Variants in TTN observed in about 807,000 individuals in gnomAD.
TTN encodes the protein titin.
Under a neutral mutation model 3,223.0 loss-of-function variants are expected in TTN, and 1,525 were observed. The ratio of observed to expected loss-of-function variants is 0.47; its 90% confidence interval spans 0.45 to 0.49. The LOEUF (loss-of-function observed/expected upper bound fraction) is 0.49. TTN is among the 20% of genes least tolerant of loss of function. The pLI is 0.00. For synonymous variants in TTN, 14,094 were observed against 15,161.0 expected (o/e 0.93, Z 5.17); for missense variants, 40,786 against 43,424.0 (o/e 0.94, Z 5.40).
At position 178,579,055 on chromosome 2, in the gene TTN, C is replaced by G; in HGVS notation, c.67975G>C (p.Glu22659Gln). Residue 22659 changes from glutamate to glutamine, a missense_variant, in exon 320 of 363, where the codon GAA (glutamate) becomes CAA (glutamine). By Grantham distance (29) the Glu-to-Gln change is conservative. Coordinates refer to ENST00000589042, the MANE Select transcript of TTN (RefSeq NM_001267550.2). Reference sequence around the variant, plus strand: ...GGAGCCCACTTTAAGGTCATGGCTTCTGCTGTGACTTCATCAAATTTGATT... The same window carrying G: ...GGAGCCCACTTTAAGGTCATGGCTTGTGCTGTGACTTCATCAAATTTGATT... ...GPIKFDEVTA[E>Q]AMTLKWAPPK... 6.2e-7 allele frequency: 1 copy of G among 1,613,252 alleles called. No individual in the cohort carries two copies. Among genetic ancestry groups the G allele is most frequent in the Non-Finnish European group, 8.5e-7 (1 of 1,179,494 alleles).
At chr2:178,629,248 G>A (rs773879366) in intron 240 of TTN, 53 bp downstream of exon 240, 204 of 1,595,156 alleles carry the variant, frequency 1.3e-4, no homozygotes, top group Non-Finnish European at 1.7e-4. Flanking sequence ...ACAAGTGAAG[G>A]TGGAAGAACT....
chr2:178,527,992 G>A lies in TTN; in HGVS notation c.107378-244C>T, dbSNP rs1468474898. ...ACATGCAGGTGCTAGGAATCACTAG[G>A]AGAAAAATGATTAGTCATATAGAAA... On this transcript the variant is annotated intron_variant, in intron 361 of 362. Transcript: ENST00000589042. The A allele has an allele frequency of 4.1e-5, 22 of 534,028 alleles. No homozygotes were observed. The Middle Eastern group carries it at 1.5e-3, about 36-fold the overall frequency. 33.1% of individuals were successfully genotyped at this position (534,028 alleles called of 1,614,324 possible).
In TTN at chr2:178,738,259, G is replaced by A. The variant is rs2081878770; in HGVS notation, c.14194C>T (p.Gln4732Ter). The A allele has an allele frequency of 1.2e-6, 2 of 1,613,466 alleles. No homozygotes were observed. Among genetic ancestry groups the A allele is most frequent in the African/African-American group, 1.3e-5 (1 of 74,906 alleles). ...ATTTCTCGGCCAGCTTTAAACCACT[G>A]GAACCGGACATTGGGAGCACTTTGG... ...EIQSAPNVRF[Q>*]WFKAGREIYE... Residue 4732 changes from glutamine to a stop codon, truncating the protein, a stop_gained, in exon 49 of 363, where the codon CAG becomes TAG. Transcript: ENST00000589042. LOFTEE classifies it high-confidence loss of function.
chr2:178,686,322 G>A (rs553561653), intron 127 of TTN, among the ~76,000 whole-genome samples: 59 of 150,482 alleles, frequency 3.9e-4, no homozygotes, highest in Middle Eastern at 3.4e-3. Context: ...GGGTTTCACC[G>A]TTTTAGCCGG....
In TTN at chr2:178,704,727, A is replaced by G. The variant is rs776202605; in HGVS notation, c.29745T>C (p.Asn9915=). Residue 9915 remains asparagine (N), a synonymous_variant, in exon 105 of 363, where the codon AAT becomes AAC. Transcript: ENST00000589042. Reference sequence around the variant, plus strand: ...TAATGTCAATTTCAAAGACAGCATCATTATCTTTCAAAACTGTCTGATTTT... The same window carrying G: ...TAATGTCAATTTCAAAGACAGCATCGTTATCTTTCAAAACTGTCTGATTTT... ...DIENQTVLKD[N]DAVFEIDIKI... The G allele has an allele frequency of 1.2e-6, 2 of 1,611,078 alleles. No individual in the cohort carries two copies. The highest frequency in any genetic ancestry group is 1.1e-5 in the South Asian group (1 of 90,980).
In TTN at chr2:178,672,337, T is replaced by C. The variant is rs2067154730; in HGVS notation, c.34930+70A>G. On this transcript the variant is annotated intron_variant, in intron 154 of 362. Transcript: ENST00000589042. ...GAAATAAAGATGTACATTCAAAATA[T>C]ATATTTTTAAAACTGAATAAAGGAT... The C allele has an allele frequency of 3.1e-6, 5 of 1,600,706 alleles. No homozygotes were observed. The South Asian group carries it at 4.5e-5, about 14-fold the overall frequency.
Position 178,663,670 on chromosome 2 carries a change from C to G in TTN, c.36489G>C (p.Ala12163=). 6.2e-7 allele frequency: 1 copy of G among 1,613,564 alleles called. No homozygotes were observed. The highest frequency in any genetic ancestry group is 8.5e-7 in the Non-Finnish European group (1 of 1,179,714). Residue 12163 remains alanine, a synonymous_variant, in exon 171 of 363, where the codon GCG becomes GCC. Coordinates refer to ENST00000589042, the MANE Select transcript of TTN (RefSeq NM_001267550.2). ...CAGGCTCTTTAGGAGGAGCCACTGGCGCTTTCTTTTCAGGAACTACTTCTT... is the reference window on the plus strand; with the variant it reads ...CAGGCTCTTTAGGAGGAGCCACTGGGGCTTTCTTTTCAGGAACTACTTCTT... ...PPKEVVPEKK[A]PVAPPKEPEV...
chr2:178,678,598 A>G lies in TTN; in HGVS notation c.33827-101T>C, dbSNP rs963432011. On this transcript the variant is annotated intron_variant, in intron 143 of 362. Transcript: ENST00000589042. ...AGATAAGGTAATAAAAGTATGACAA[A>G]GGTATTCCAAGAAGCATTTTATTTT... 20 of 1,150,024 alleles carry G rather than the reference A, an allele frequency of 1.7e-5. No homozygotes were observed. In the Admixed American group the frequency reaches 5.9e-4, roughly 34 times the overall value. The allele number at this position is 1,150,024 out of a possible 1,614,324, so 71.2% of individuals were successfully genotyped here.
chr2:178,663,660 G>T lies in TTN; in HGVS notation c.36499C>A (p.Pro12167Thr), dbSNP rs780323492. 2 of 1,613,542 alleles carry T rather than the reference G, an allele frequency of 1.2e-6. No individual in the cohort carries two copies. The highest frequency in any genetic ancestry group is 1.3e-5 in the African/African-American group (1 of 74,882). The stretch of plus-strand genomic sequence containing the variant: ...GGTGGGACTTCAGGCTCTTTAGGAG[G>T]AGCCACTGGCGCTTTCTTTTCAGGA... ...VVPEKKAPVA[P>T]PKEPEVPPVK... Residue 12167 changes from proline (P) to threonine (T), a missense_variant, in exon 171 of 363, where the codon CCT becomes ACT. Transcript: ENST00000589042.
chr2:178,529,899 G>C, intron 359 of TTN, 61 bp downstream of exon 359: 1 of 1,523,768 alleles, frequency 6.6e-7, no homozygotes, highest in Non-Finnish European at 8.8e-7. Flanking sequence ...GGGGATGTTT[G>C]AAAATATTTC....
intron 83 of TTN, 84 bp from the exon 84 acceptor site, chr2:178,719,057 C>G (rs1246940730): frequency 3.9e-6 from 6 of 1,523,238 alleles, no homozygotes; most frequent in Non-Finnish European, 5.3e-6. Flanking sequence ...AAAAAGGGAG[C>G]TAAGACTAAA....
At position 178,537,743 on chromosome 2, in the gene TTN, G is replaced by A. The variant is rs1179270927; in HGVS notation, c.99464C>T (p.Thr33155Ile). Residue 33155 changes from threonine to isoleucine, a missense_variant, in exon 355 of 363, where the codon ACA becomes ATA. Thr to Ile is a moderately conservative substitution (Grantham distance 89). Transcript: ENST00000589042. ...CTCTGTCATTACTGTAAGAGTGTGT[G>A]TGCGTCCATCTGAAGACATTTTGTA... ...RKYKMSSDGRTHTLTVMTEEQ... is the reference protein window; with the variant it reads ...RKYKMSSDGRIHTLTVMTEEQ... 1.9e-6 allele frequency: 3 copies of A among 1,613,760 alleles called. No homozygotes were observed. Among genetic ancestry groups the A allele is most frequent in the East Asian group, 2.2e-5 (1 of 44,874 alleles).
In TTN at chr2:178,749,622, C is replaced by T. The variant is rs544185501; in HGVS notation, c.11311+3502G>A. 22 of 1,612,098 alleles carry T rather than the reference C, an allele frequency of 1.4e-5. No individual in the cohort carries two copies. The Admixed American group carries it at 2.0e-4, about 15-fold the overall frequency. On this transcript the variant is annotated intron_variant, in intron 47 of 362. Coordinates refer to ENST00000589042, the MANE Select transcript of TTN (RefSeq NM_001267550.2). ...TTTCCATAAATTTCACCAATATTTT[C>T]GAATTGACTATTTTCTCTATAAGTG...
Position 178,704,252 on chromosome 2 carries a change from G to A in TTN, c.30118C>T (p.His10040Tyr). 1.9e-6 allele frequency: 3 copies of A among 1,613,988 alleles called. No individual in the cohort carries two copies. Among genetic ancestry groups the A allele is most frequent in the Non-Finnish European group, 2.5e-6 (3 of 1,179,890 alleles). Residue 10040 changes from histidine (H) to tyrosine (Y), a missense_variant, in exon 106 of 363, where the codon CAC becomes TAC. His to Tyr is a moderately conservative substitution (Grantham distance 83). Coordinates refer to ENST00000589042, the MANE Select transcript of TTN (RefSeq NM_001267550.2). ...GCAATGGTCAATTTATGGACTTTGTGTTCCACTTCTGTTTTATGTCTACCT... is the reference window on the plus strand; with the variant it reads ...GCAATGGTCAATTTATGGACTTTGTATTCCACTTCTGTTTTATGTCTACCT... ...PQGRHKTEVE[H>Y]KVHKLTIADV...
rs758515033 is a variant in TTN at position 178,652,898 on chromosome 2, T to C, written c.38909A>G (p.Lys12970Arg). 3.1e-6 allele frequency: 5 copies of C among 1,610,110 alleles called. No individual in the cohort carries two copies. The South Asian group carries it at 4.4e-5, about 14-fold the overall frequency. The change falls in exon 200 of 363, where the codon AAG becomes AGG. Residue 12970 changes from lysine (K) to arginine (R), a missense_variant. By Grantham distance (26) the Lys-to-Arg change is conservative. Transcript: ENST00000589042. ...TTTAGGAGGAGCCAAGGGCATTTTC[T>C]TTTCAGGAACAACCTCTATGGGAGC... ...PEAPIEVVPE[K>R]KMPLAPPKKP... is the part of the protein sequence containing the mutation.
In TTN at chr2:178,722,912, C is replaced by T; in HGVS notation, c.21987G>A (p.Leu7329=). Residue 7329 remains leucine (L), a synonymous_variant, in exon 76 of 363, where the codon CTG becomes CTA. Coordinates refer to ENST00000589042, the MANE Select transcript of TTN (RefSeq NM_001267550.2). Reference sequence around the variant, plus strand: ...CTCCAACTGCTGCCTCCAGAGGTTCCAGTTCCGTAACAAAATAAGGCGGTT... The same window carrying T: ...CTCCAACTGCTGCCTCCAGAGGTTCTAGTTCCGTAACAAAATAAGGCGGTT... The part of the protein sequence containing the change: ...TLEPPYFVTE[L]EPLEAAVGDS... The T allele has an allele frequency of 6.2e-7, 1 of 1,611,940 alleles. No homozygotes were observed. The highest frequency in any genetic ancestry group is 8.5e-7 in the Non-Finnish European group (1 of 1,178,882).
chr2:178,729,760 T>A lies in TTN; in HGVS notation c.18493A>T (p.Ile6165Phe). 6.2e-7 allele frequency: 1 copy of A among 1,613,744 alleles called. No homozygotes were observed. Among genetic ancestry groups the A allele is most frequent in the Non-Finnish European group, 8.5e-7 (1 of 1,179,730 alleles). The change falls in exon 63 of 363, where the codon ATT becomes TTT. Residue 6165 changes from isoleucine to phenylalanine, a missense_variant. Transcript: ENST00000589042. ...SFIDGLATFQISGARVENSGT... is the reference protein window; with the variant it reads ...SFIDGLATFQFSGARVENSGT... Reference sequence around the variant, plus strand: ...CTATTTTCTACCCTGGCACCAGAAATCTGGAAAGTGGCTAAACCATCAATG... The same window carrying A: ...CTATTTTCTACCCTGGCACCAGAAAACTGGAAAGTGGCTAAACCATCAATG...
rs1407605671 is a variant in TTN, at chr2:178,632,632, A to G, written c.43374T>C (p.Asp14458=). The change falls in exon 235 of 363, where the codon GAT becomes GAC. Residue 14458 remains aspartate (D), a synonymous_variant. Coordinates refer to ENST00000589042, the MANE Select transcript of TTN (RefSeq NM_001267550.2). ...TGDDRFELIK[D]GTKHSMVIKS... ...TGATCACCATTGAATGCTTAGTGCC[A>G]TCCTTTATAAGCTCAAATCTGTCAT... 3 of 1,613,406 alleles carry G rather than the reference A, an allele frequency of 1.9e-6. No individual in the cohort carries two copies. The highest frequency in any genetic ancestry group is 4.5e-5 in the East Asian group (2 of 44,842).
chr2:178,701,730 G>T, intron 109 of TTN, 143 bp from the exon 110 acceptor site: 1 of 840,752 alleles, frequency 1.2e-6, no homozygotes, highest in Non-Finnish European at 1.8e-6. Flanking sequence ...AATAATATTA[G>T]TATTCTTTTG....
Sources: allele counts gnomAD v4.1 joint callset (sites outside exome capture counted in the v4.1 genomes callset), GRCh38; gene constraint gnomAD v4.1.1; transcripts MANE v1.5; gene names NCBI Gene and HGNC (gene_info 2026-07-23, HGNC 2026-07-21).